PCDHA13: variants seen among roughly 807,000 people sequenced by gnomAD.
PCDHA13 encodes the protein protocadherin alpha-13.
PCDHA13 carries 54 observed loss-of-function variants against 64.8 expected under a neutral mutation model. The observed-to-expected ratio is 0.83, with a 90% CI of 0.67 to 1.04. PCDHA13 has a LOEUF of 1.04. PCDHA13 is among the 50% of genes least tolerant of loss of function. The pLI is 0.00. For missense variants in PCDHA13, 1,248 were observed against 1,254.3 expected, an observed-to-expected ratio of 0.99 and a Z score of 0.08; for synonymous variants, 587 against 564.4, an observed-to-expected ratio of 1.04 and a Z score of -0.57.
chr5:140,943,522 G>T (rs2093513187), intron 1 of PCDHA13, among the ~76,000 whole-genome samples: 1 of 152,144 alleles, frequency 6.6e-6, no homozygotes, highest in Non-Finnish European at 1.5e-5. Flanking sequence ...GTTGAGTTCA[G>T]TATGCAAAAT....
chr5:140,909,620 A>C (rs576090849), intron 1 of PCDHA13, among the ~76,000 whole-genome samples: 1 of 152,122 alleles, frequency 6.6e-6, no homozygotes. Flanking sequence ...GGCAGCTCTA[A>C]TTGGTCTTCC....
At chr5:140,973,782 C>CT (rs1461331270) in intron 1 of PCDHA13, among the ~76,000 whole-genome samples, 7 of 152,208 alleles carry the variant, frequency 4.6e-5, no homozygotes, top group African/African-American at 1.7e-4. Flanking sequence ...TATAGGTTGC[C>CT]TATTGGCATG....
chr5:140,900,127 T>A (rs528737566), intron 1 of PCDHA13, among the ~76,000 whole-genome samples: 2 of 152,328 alleles, frequency 1.3e-5, no homozygotes, highest in East Asian at 3.9e-4. Flanking sequence ...GATTTTTAGG[T>A]ACCACAAATA....
intron 1 of PCDHA13, among the ~76,000 whole-genome samples, chr5:140,933,649 T>G (rs1259214104): frequency 6.6e-6 from 1 of 152,058 alleles, no homozygotes; most frequent in Non-Finnish European, 1.5e-5. Flanking sequence ...AAGTTGGAAA[T>G]CCTGTCTCTC....
At chr5:140,978,473 T>C (rs1401475037) in intron 1 of PCDHA13, among the ~76,000 whole-genome samples, 1 of 152,238 alleles carries the variant, frequency 6.6e-6, no homozygotes, top group Non-Finnish European at 1.5e-5. Flanking sequence ...TCAAATATGC[T>C]GCAGTCTGCA....
chr5:140,925,088 A>G (rs536355365), intron 1 of PCDHA13, among the ~76,000 whole-genome samples: 11 of 151,436 alleles, frequency 7.3e-5, no homozygotes, highest in African/African-American at 2.7e-4. Context: ...CTGGAAAGGA[A>G]GGAAGGAAGG....
At chr5:140,916,550 A>G (rs1355799677) in intron 1 of PCDHA13, among the ~76,000 whole-genome samples, 5 of 152,052 alleles carry the variant, frequency 3.3e-5, no homozygotes, top group Admixed American at 1.3e-4. Flanking sequence ...TGGGTTTTCT[A>G]TTTGTCCAGG....
In PCDHA13 at chr5:140,978,956, A is replaced by G; in HGVS notation, c.2402A>G (p.Gln801Arg). 3 of 1,614,194 alleles carry G rather than the reference A, an allele frequency of 1.9e-6. No individual in the cohort carries two copies. The highest frequency in any genetic ancestry group is 2.5e-6 in the Non-Finnish European group (3 of 1,180,026). ...CTCTTTGTGATTTTGCAGCCACGAC[A>G]GCCCAACCCTGACTGGCGTTACTCT... ...EDSECLKEPR[Q>R]PNPDWRYSAS... Residue 801 changes from glutamine (Q) to arginine (R), a missense_variant, in exon 2 of 4, where the codon CAG becomes CGG. Transcript: ENST00000289272.
At chr5:140,939,285 T>A (rs2092357056) in intron 1 of PCDHA13, among the ~76,000 whole-genome samples, 1 of 152,108 alleles carries the variant, frequency 6.6e-6, no homozygotes, top group Admixed American at 6.5e-5. Flanking sequence ...GCCCTCGTGA[T>A]CTAATCATCT....
intron 1 of PCDHA13, among the ~76,000 whole-genome samples, chr5:140,941,941 T>G (rs1461291615): frequency 1.3e-5 from 2 of 152,246 alleles, no homozygotes; most frequent in Admixed American, 1.3e-4. Context: ...TGAATTACTT[T>G]TGTTTTGAAA....
At chr5:140,939,350 A>G (rs2153641006) in intron 1 of PCDHA13, among the ~76,000 whole-genome samples, 1 of 152,266 alleles carries the variant, frequency 6.6e-6, no homozygotes, top group East Asian at 1.9e-4. Context: ...ATTTCAACTT[A>G]TGATTGCAAA....
chr5:140,962,008 C>T (rs1363169601), intron 1 of PCDHA13, among the ~76,000 whole-genome samples: 5 of 152,088 alleles, frequency 3.3e-5, no homozygotes, highest in South Asian at 2.1e-4. Context: ...CTCAGCTTCC[C>T]GAGTAGCTGG....
chr5:140,995,113 A>G (rs560699104), intron 3 of PCDHA13, among the ~76,000 whole-genome samples: 68 of 152,252 alleles, frequency 4.5e-4, no homozygotes, highest in Non-Finnish European at 8.4e-4. Flanking sequence ...CAAGACCCTC[A>G]GTGGATGCCT....
intron 1 of PCDHA13, among the ~76,000 whole-genome samples, chr5:140,947,220 T>A (rs531697572): frequency 6.6e-6 from 1 of 151,686 alleles, no homozygotes; most frequent in East Asian, 1.9e-4. Flanking sequence ...ATCCTGTCAT[T>A]TATGACAGGA....
At chr5:140,982,453 C>T (rs1554244194) in intron 2 of PCDHA13, 22 bp from the exon 3 acceptor site, 5 of 1,613,812 alleles carry the variant, frequency 3.1e-6, no homozygotes, top group African/African-American at 1.3e-5. Context: ...TAACCGTTAT[C>T]TGGGTCTGTG....
chr5:140,946,658 A>C (rs2094004902), intron 1 of PCDHA13, among the ~76,000 whole-genome samples: 1 of 147,652 alleles, frequency 6.8e-6, no homozygotes, highest in South Asian at 2.1e-4. Flanking sequence ...CAGCCATTAG[A>C]AAGAATGAAA....
At chr5:140,951,737 C>T (rs1223539805) in intron 1 of PCDHA13, among the ~76,000 whole-genome samples, 1 of 152,130 alleles carries the variant, frequency 6.6e-6, no homozygotes, top group Non-Finnish European at 1.5e-5. Context: ...CATTCTGCCA[C>T]TGCCCTCACC....
chr5:140,890,128 G>T (rs1402157838), intron 1 of PCDHA13, among the ~76,000 whole-genome samples: 2 of 152,156 alleles, frequency 1.3e-5, no homozygotes, highest in East Asian at 3.9e-4. Context: ...CACTTTGGTA[G>T]CTTGAAATTG....
intron 1 of PCDHA13, chr5:140,930,410 CAG>C (rs2086812971): frequency 6.7e-6 from 1 of 149,986 alleles, no homozygotes; most frequent in South Asian, 2.1e-4. Flanking sequence ...TTTTTTGAGA[CAG>C]GGGTCTCACT....
Sources: allele counts gnomAD v4.1 joint callset (sites outside exome capture counted in the v4.1 genomes callset), GRCh38; gene constraint gnomAD v4.1.1; transcripts MANE v1.5; gene names NCBI Gene and HGNC (gene_info 2026-07-23, HGNC 2026-07-21).